Variants in SND1 observed in about 807,000 individuals in gnomAD.
SND1 encodes staphylococcal nuclease domain-containing protein 1.
Under a neutral mutation model 121.7 loss-of-function variants are expected in SND1, and 38 were observed. The observed-to-expected ratio is 0.31, with a 90% CI of 0.24 to 0.41. The LOEUF (loss-of-function observed/expected upper bound fraction) is 0.41. Among genes scored for constraint, SND1 ranks in the 10% least tolerant of loss-of-function variants. The pLI, the probability that SND1 is intolerant of heterozygous loss-of-function variation, is 1.00. For missense variants in SND1, 868 were observed against 1,184.6 expected (o/e 0.73, Z 3.92); for synonymous variants, 401 against 447.4 (o/e 0.90, Z 1.31).
intron 18 of SND1, among the ~76,000 whole-genome samples, chr7:128,084,018 G>T (rs1002349743): frequency 6.6e-6 from 1 of 152,150 alleles, no homozygotes; most frequent in Non-Finnish European, 1.5e-5. Context: ...CTCCTGTGGC[G>T]CAGGGGCCCT....
intron 10 of SND1, among the ~76,000 whole-genome samples, chr7:127,779,391 A>G (rs1179278651): frequency 6.6e-6 from 1 of 152,168 alleles, no homozygotes; most frequent in Non-Finnish European, 1.5e-5. Context: ...TAATCCAGTT[A>G]TATGTATGGC....
chr7:127,686,684 C>T lies in SND1; in HGVS notation c.150C>T (p.Asn50=). ...GGCCTCCTCCTGAGCGGCAGATCAA[C>T]CTCAGCAACATTCGTGCTGGAAATC... is the stretch of plus-strand genomic sequence containing the variant. ...RGGPPPERQI[N]LSNIRAGNLA... The change falls in exon 2 of 24, where the codon AAC becomes AAT. Residue 50 remains asparagine, a synonymous_variant. Transcript: ENST00000354725. 1 of 1,614,212 alleles carries T rather than the reference C, an allele frequency of 6.2e-7. No individual in the cohort carries two copies. The highest frequency in any genetic ancestry group is 1.6e-4 in the Middle Eastern group (1 of 6,062).
intron 15 of SND1, 75 bp from the exon 16 acceptor site, chr7:127,990,872 A>T (rs1037317670): frequency 3.1e-6 from 3 of 971,092 alleles, no homozygotes; most frequent in Non-Finnish European, 4.7e-6. Context: ...TGGAGGTGTC[A>T]GGGGACCGTC....
chr7:127,920,613 G>A (rs1800682344), intron 14 of SND1, among the ~76,000 whole-genome samples: 1 of 152,100 alleles, frequency 6.6e-6, no homozygotes, highest in Non-Finnish European at 1.5e-5. Flanking sequence ...TTTCTATACA[G>A]CAAGAATTAT....
At chr7:127,978,560 A>G (rs919518082) in intron 15 of SND1, among the ~76,000 whole-genome samples, 1 of 152,216 alleles carries the variant, frequency 6.6e-6, no homozygotes, top group African/African-American at 2.4e-5. Flanking sequence ...GTGGACATTC[A>G]TAGAACAGGG....
At chr7:127,868,032 C>T (rs1446803991) in intron 12 of SND1, among the ~76,000 whole-genome samples, 3 of 152,126 alleles carry the variant, frequency 2.0e-5, no homozygotes, top group African/African-American at 4.8e-5. Context: ...GTAGGTACTC[C>T]GTCTAAAATC....
intron 3 of SND1, among the ~76,000 whole-genome samples, chr7:127,698,103 A>G (rs1796039249): frequency 6.6e-6 from 1 of 152,174 alleles, no homozygotes; most frequent in Non-Finnish European, 1.5e-5. Flanking sequence ...TTTATGTTTA[A>G]CTTTATTTTT....
At chr7:127,855,719 C>T (rs1799261770) in intron 12 of SND1, among the ~76,000 whole-genome samples, 1 of 152,124 alleles carries the variant, frequency 6.6e-6, no homozygotes, top group Non-Finnish European at 1.5e-5. Context: ...TAGTTTCTTC[C>T]ATCTTTCTCT....
At chr7:128,033,860 C>T (rs750372642) in intron 16 of SND1, among the ~76,000 whole-genome samples, 1 of 152,172 alleles carries the variant, frequency 6.6e-6, no homozygotes, top group Non-Finnish European at 1.5e-5. Flanking sequence ...AAAGTATTCT[C>T]CTAGTGGGAT....
At chr7:127,781,090 G>C (rs766704) in intron 10 of SND1, among the ~76,000 whole-genome samples, 1 of 152,298 alleles carries the variant, frequency 6.6e-6, no homozygotes, top group African/African-American at 2.4e-5. Context: ...TCAATGTGAA[G>C]AAAATAACTT....
chr7:127,796,233 G>A (rs1402031298), intron 10 of SND1, among the ~76,000 whole-genome samples: 1 of 152,038 alleles, frequency 6.6e-6, no homozygotes, highest in South Asian at 2.1e-4. Context: ...AACTAGTATA[G>A]TATAAGCGCC....
At chr7:128,058,879 G>A (rs753471097) in intron 16 of SND1, among the ~76,000 whole-genome samples, 2 of 151,718 alleles carry the variant, frequency 1.3e-5, no homozygotes, top group East Asian at 1.9e-4. Context: ...CTCCATCCCC[G>A]ATCTGTCTCA....
In SND1 at chr7:127,975,121, T is replaced by C. The variant is rs190899592; in HGVS notation, c.1670-15826T>C. ...ATACAATTTCTTTAATGATAAAAACTATGAAAACCAAAATACATTGTTACA... is the reference window on the plus strand; with the variant it reads ...ATACAATTTCTTTAATGATAAAAACCATGAAAACCAAAATACATTGTTACA... On this transcript the variant is annotated intron_variant, in intron 15 of 23. Coordinates refer to ENST00000354725, the MANE Select transcript of SND1 (RefSeq NM_014390.4). Among the ~76,000 whole-genome samples, 3 of 152,322 alleles carry C rather than the reference T, an allele frequency of 2.0e-5. No individual in the cohort carries two copies. The East Asian group carries it at 5.8e-4, about 29-fold the overall frequency.
intron 10 of SND1, among the ~76,000 whole-genome samples, chr7:127,749,962 T>G (rs1299272350): frequency 6.6e-6 from 1 of 152,108 alleles, no homozygotes; most frequent in African/African-American, 2.4e-5. Context: ...ACGCCAGGCT[T>G]GGTAGCATGT....
At position 127,701,387 on chromosome 7, in the gene SND1, T is replaced by C. The variant is rs1305317311; in HGVS notation, c.589+64T>C. On this transcript the variant is annotated intron_variant, in intron 5 of 23. Coordinates refer to ENST00000354725, the MANE Select transcript of SND1 (RefSeq NM_014390.4). ...ATTTCTTTCTGTTTGCACTCTTTGC[T>C]TCTTGAGGTTTGTAAAATCTAGTAA... The C allele has an allele frequency of 2.0e-6, 3 of 1,525,350 alleles. No individual in the cohort carries two copies. The African/African-American group carries it at 4.2e-5, about 21-fold the overall frequency. 94.5% of individuals were successfully genotyped at this position (1,525,350 alleles called of 1,614,324 possible).
At chr7:127,871,740 CATT>C in intron 12 of SND1, among the ~76,000 whole-genome samples, 1 of 152,238 alleles carries the variant, frequency 6.6e-6, no homozygotes, top group South Asian at 2.1e-4. Context: ...TGGCCTCAAA[CATT>C]ATCATCAAGT....
At chr7:127,768,998 T>C (rs1797467385) in intron 10 of SND1, among the ~76,000 whole-genome samples, 1 of 152,192 alleles carries the variant, frequency 6.6e-6, no homozygotes, top group African/African-American at 2.4e-5. Context: ...TCAGAGAATA[T>C]AGTTATATAC....
intron 16 of SND1, chr7:128,032,231 GCCGGCGCCGCGCAGCCCCGCGCCT>G (rs1298369249): frequency 1.3e-4 from 19 of 149,158 alleles, no homozygotes; most frequent in Non-Finnish European, 2.1e-4. Flanking sequence ...CGCCGCGCCG[GCCGGCGCCGCGCAGCCCCGCGCCT>G]CCGGCCGCCC....
At chr7:127,925,689 C>T (rs575562634) in intron 14 of SND1, among the ~76,000 whole-genome samples, 3 of 151,568 alleles carry the variant, frequency 2.0e-5, no homozygotes, top group South Asian at 2.1e-4. Context: ...CTGCAACCTC[C>T]GCCTCCCAGG....
Sources: gnomAD v4.1 joint callset for allele counts (sites outside exome capture counted in the v4.1 genomes callset) on GRCh38, gnomAD v4.1.1 for gene constraint, MANE v1.5 for transcripts, NCBI Gene and HGNC (gene_info 2026-07-23, HGNC 2026-07-21) for gene names.